Variants in HOXC13 observed in about 807,000 individuals in gnomAD.
The protein encoded by HOXC13 is homeobox C13.
HOXC13 carries 10 observed loss-of-function variants against 25.9 expected under a neutral mutation model. The ratio of observed to expected loss-of-function variants is 0.39; its 90% CI spans 0.24 to 0.65. The LOEUF is 0.65. Among genes scored for constraint, HOXC13 ranks in the 30% least tolerant of loss-of-function variants. The probability of loss-of-function intolerance (pLI) is 0.50; values close to 1 mark genes in which losing one functional copy is unlikely to be tolerated. For missense variants in HOXC13, 439 were observed against 478.3 expected (o/e 0.92, Z 0.77); for synonymous variants, 233 against 217.1 (o/e 1.07, Z -0.64).
chr12:53,941,078 C>G (rs1938604040), intron 1 of HOXC13, among the ~76,000 whole-genome samples: 2 of 152,056 alleles, frequency 1.3e-5, no homozygotes, highest in African/African-American at 2.4e-5. Context: ...TTCTGATTGC[C>G]AGAATTAAGG....
In HOXC13 at chr12:53,939,818, C is replaced by G. The variant is rs901906215; in HGVS notation, c.736+176C>G. ...AGGAATGCGCCGGGGAAGAAATCTG[C>G]TCCGACACGTTCTCTGTAGCTGCCC... On this transcript the variant is annotated intron_variant, in intron 1 of 1. Transcript: ENST00000243056. The surrounding 1 kb of genome is among the most constrained non-coding windows in gnomAD (Gnocchi z 6.7). Among the ~76,000 whole-genome samples the G allele has an allele frequency of 6.6e-6, 1 of 152,220 alleles. No homozygotes were observed. Among genetic ancestry groups the G allele is most frequent in the Non-Finnish European group, 1.5e-5 (1 of 68,022 alleles).
intron 1 of HOXC13, among the ~76,000 whole-genome samples, chr12:53,941,736 G>A (rs977257679): frequency 1.3e-5 from 2 of 152,214 alleles, no homozygotes; most frequent in African/African-American, 4.8e-5. Context: ...GCATGCCTCA[G>A]CAGCTATGTG....
In HOXC13 at chr12:53,946,336, G is replaced by T; in HGVS notation, c.*1080G>T. The T allele has an allele frequency of 4.5e-6, 1 of 223,326 alleles. No individual in the cohort carries two copies. Among genetic ancestry groups the T allele is most frequent in the Non-Finnish European group, 9.0e-6 (1 of 111,460 alleles). The allele number at this position is 223,326 out of a possible 1,614,324, so 13.8% of individuals were successfully genotyped here. ...CAGTTCCCTCCTCAAAGGCCACCTT[G>T]GTGCTGTGGGGGCCCCTTGCCTCTT... On this transcript the variant is annotated 3_prime_UTR_variant, in exon 2 of 2. Coordinates refer to ENST00000243056, the MANE Select transcript of HOXC13 (RefSeq NM_017410.3).
At position 53,939,725 on chromosome 12, in the gene HOXC13, C is replaced by G. The variant is rs535201345; in HGVS notation, c.736+83C>G. On this transcript the variant is annotated intron_variant, in intron 1 of 1. Coordinates refer to ENST00000243056, the MANE Select transcript of HOXC13 (RefSeq NM_017410.3). The surrounding 1 kb of genome is among the most constrained non-coding windows in gnomAD (Gnocchi z 6.7). ...CCGGGGCTCCGCGCCCCAACCACCCCCGCCGTCTGGCCCCGGCGCGCCCGC... is the reference window on the plus strand; with the variant it reads ...CCGGGGCTCCGCGCCCCAACCACCCGCGCCGTCTGGCCCCGGCGCGCCCGC... 31 of 1,258,748 alleles carry G rather than the reference C, an allele frequency of 2.5e-5. No homozygotes were observed. In the East Asian group the frequency reaches 5.8e-4, roughly 24 times the overall value. The allele number at this position is 1,258,748 out of a possible 1,614,324, so 78.0% of individuals were successfully genotyped here. A position where few individuals can be genotyped will look rare whatever the true frequency, so the allele number is the denominator to read the frequency against.
rs750141652 is a variant in HOXC13 at position 53,946,491 on chromosome 12, A to AG, written c.*1237dup. On this transcript the variant is annotated 3_prime_UTR_variant, in exon 2 of 2. Transcript: ENST00000243056. ...GAATGACAATGTACTGAATGCAAAA[A>AG]GGAAAAAAACCCACAAACATGTTTT... 5.0e-6 allele frequency: 1 copy of AG among 201,406 alleles called. No homozygotes were observed. Among genetic ancestry groups the AG allele is most frequent in the African/African-American group, 2.3e-5 (1 of 43,684 alleles). 12.5% of individuals were successfully genotyped at this position (201,406 alleles called of 1,614,324 possible).
At position 53,945,848 on chromosome 12, in the gene HOXC13, T is replaced by TTTCCGTAAAAGCTGGAA. The variant is rs1265056583; in HGVS notation, c.*605_*621dup. 4.3e-6 allele frequency: 1 copy of TTTCCGTAAAAGCTGGAA among 234,152 alleles called. No individual in the cohort carries two copies. Among genetic ancestry groups the TTTCCGTAAAAGCTGGAA allele is most frequent in the Non-Finnish European group, 8.4e-6 (1 of 118,594 alleles). The allele number at this position is 234,152 out of a possible 1,614,324, so 14.5% of individuals were successfully genotyped here. A position where few individuals can be genotyped will look rare whatever the true frequency, so the allele number is the denominator to read the frequency against. On this transcript the variant is annotated 3_prime_UTR_variant, in exon 2 of 2. Coordinates refer to ENST00000243056, the MANE Select transcript of HOXC13 (RefSeq NM_017410.3). This position sits in a 1 kb window ranked among gnomAD's most constrained non-coding sequence, Gnocchi z 4.4. Reference sequence around the variant, plus strand: ...TGGCAGCGTGATTGGAGTATGGATGTTTCCGTAAAAGCTGGAATTCCGTAA... The same window carrying TTTCCGTAAAAGCTGGAA: ...TGGCAGCGTGATTGGAGTATGGATGTTTCCGTAAAAGCTGGAATTCCGTAAAAGCTGGAATTCCGTAA...
intron 1 of HOXC13, among the ~76,000 whole-genome samples, chr12:53,944,568 C>T (rs1938660903): frequency 6.6e-6 from 1 of 152,120 alleles, no homozygotes; most frequent in African/African-American, 2.4e-5. Context: ...CATGGCAGGC[C>T]AGGCTGGAAT....
rs1371247692 is a variant in HOXC13 at position 53,939,633 on chromosome 12, C to A, written c.727C>A (p.Pro243Thr). ...GCAGTCCGCCCACCTCTGGAAGTCTCCCTTCCCAGGTAAGGAAGGGACCCG... is the reference window on the plus strand; with the variant it reads ...GCAGTCCGCCCACCTCTGGAAGTCTACCTTCCCAGGTAAGGAAGGGACCCG... Reference protein sequence around the residue: ...QSQSAHLWKSPFPDVVPLQPE... With the variant: ...QSQSAHLWKSTFPDVVPLQPE... Residue 243 changes from proline to threonine, a missense_variant, in exon 1 of 2, where the codon CCC becomes ACC. By Grantham distance (38) the Pro-to-Thr change is conservative. Transcript: ENST00000243056. This position sits in a 1 kb window ranked among gnomAD's most constrained non-coding sequence, Gnocchi z 6.7. 3 of 1,497,022 alleles carry A rather than the reference C, an allele frequency of 2.0e-6. No homozygotes were observed. Among genetic ancestry groups the A allele is most frequent in the Non-Finnish European group, 2.7e-6 (3 of 1,118,080 alleles). The allele number at this position is 1,497,022 out of a possible 1,614,324, so 92.7% of individuals were successfully genotyped here. A position where few individuals can be genotyped will look rare whatever the true frequency, so the allele number is the denominator to read the frequency against.
intron 1 of HOXC13, among the ~76,000 whole-genome samples, chr12:53,944,541 A>T (rs541338931): frequency 6.6e-6 from 1 of 152,288 alleles, no homozygotes; most frequent in East Asian, 1.9e-4. Context: ...TTTTCTGAAT[A>T]TCTGAAATTC....
At chr12:53,942,117 C>T (rs1938619741) in intron 1 of HOXC13, among the ~76,000 whole-genome samples, 1 of 43,160 alleles carries the variant, frequency 2.3e-5, no homozygotes, top group African/African-American at 7.7e-5. Flanking sequence ...CTTTATTGCT[C>T]TGGTTTTTTT....
chr12:53,942,649 G>C (rs1029683927), intron 1 of HOXC13, among the ~76,000 whole-genome samples: 1 of 152,154 alleles, frequency 6.6e-6, no homozygotes, highest in African/African-American at 2.4e-5. Flanking sequence ...ACATCTCCAG[G>C]TCCAAGCTAC....
chr12:53,945,388 G>A lies in HOXC13; in HGVS notation c.*132G>A. The A allele has an allele frequency of 3.7e-6, 4 of 1,087,334 alleles. No individual in the cohort carries two copies. The highest frequency in any genetic ancestry group is 5.3e-6 in the Non-Finnish European group (4 of 755,020). The allele number at this position is 1,087,334 out of a possible 1,614,324, so 67.4% of individuals were successfully genotyped here. Reference sequence around the variant, plus strand: ...AAGAGAAGAACCGCGCCGCCCGGAGGCAGAGAGGCTCCATGGCCGTGCTGC... The same window carrying A: ...AAGAGAAGAACCGCGCCGCCCGGAGACAGAGAGGCTCCATGGCCGTGCTGC... On this transcript the variant is annotated 3_prime_UTR_variant, in exon 2 of 2. Coordinates refer to ENST00000243056, the MANE Select transcript of HOXC13 (RefSeq NM_017410.3). The surrounding 1 kb of genome is among the most constrained non-coding windows in gnomAD (Gnocchi z 4.4).
rs896437417 is a variant in HOXC13, at chr12:53,946,444, T to C, written c.*1188T>C. On this transcript the variant is annotated 3_prime_UTR_variant, in exon 2 of 2. Transcript: ENST00000243056. ...GCTTTTTTAAAAAATGTTGTGTATC[T>C]GTATATAGTATTGTGATGTCTGAAT... 1 of 212,994 alleles carries C rather than the reference T, an allele frequency of 4.7e-6. No individual in the cohort carries two copies. The highest frequency in any genetic ancestry group is 2.3e-5 in the African/African-American group (1 of 44,240). 13.2% of individuals were successfully genotyped at this position (212,994 alleles called of 1,614,324 possible). A position where few individuals can be genotyped will look rare whatever the true frequency, so the allele number is the denominator to read the frequency against.
Position 53,945,385 on chromosome 12 carries a change from G to C in HOXC13, c.*129G>C. ...GGAAAGAGAAGAACCGCGCCGCCCG[G>C]AGGCAGAGAGGCTCCATGGCCGTGC... On this transcript the variant is annotated 3_prime_UTR_variant, in exon 2 of 2. Transcript: ENST00000243056. The surrounding 1 kb of genome is among the most constrained non-coding windows in gnomAD (Gnocchi z 4.4). The C allele has an allele frequency of 9.2e-7, 1 of 1,085,520 alleles. No individual in the cohort carries two copies. The highest frequency in any genetic ancestry group is 1.3e-6 in the Non-Finnish European group (1 of 753,480). 67.2% of individuals were successfully genotyped at this position (1,085,520 alleles called of 1,614,324 possible). A position where few individuals can be genotyped will look rare whatever the true frequency, so the allele number is the denominator to read the frequency against.
At chr12:53,940,948 T>TA (rs1018430691) in intron 1 of HOXC13, among the ~76,000 whole-genome samples, 2 of 151,214 alleles carry the variant, frequency 1.3e-5, no homozygotes, top group African/African-American at 2.4e-5. Flanking sequence ...GTAGGTGGTT[T>TA]AAAAAAAAAT....
intron 1 of HOXC13, among the ~76,000 whole-genome samples, chr12:53,941,785 G>T (rs1472174967): frequency 1.3e-5 from 2 of 152,236 alleles, no homozygotes; most frequent in African/African-American, 4.8e-5. Context: ...TTGGGCTGAT[G>T]TATCTCAGTG....
intron 1 of HOXC13, among the ~76,000 whole-genome samples, chr12:53,940,276 G>A (rs560451475): frequency 6.6e-6 from 1 of 152,338 alleles, no homozygotes; most frequent in African/African-American, 2.4e-5. Flanking sequence ...GAGGAGGCTA[G>A]AATCCCTCCC....
chr12:53,944,960 G>A, intron 1 of HOXC13, 40 bp from the exon 2 acceptor site: 3 of 1,610,216 alleles, frequency 1.9e-6, no homozygotes, highest in East Asian at 2.2e-5. Flanking sequence ...CAGTCCAGCC[G>A]CTTGCCTCAC....
intron 1 of HOXC13, among the ~76,000 whole-genome samples, chr12:53,941,268 T>C (rs1275379227): frequency 6.6e-6 from 1 of 152,256 alleles, no homozygotes; most frequent in Non-Finnish European, 1.5e-5. Flanking sequence ...GGCCCTTTAA[T>C]TCTCTATCTC....
Sources: gnomAD v4.1 joint callset for allele counts (sites outside exome capture counted in the v4.1 genomes callset) on GRCh38, gnomAD v4.1.1 for gene constraint, Gnocchi (gnomAD v3.1) non-coding constraint, MANE v1.5 for transcripts, NCBI Gene and HGNC (gene_info 2026-07-23, HGNC 2026-07-21) for gene names.